Variants in PCDHGA6 observed in about 807,000 individuals in gnomAD.
The protein encoded by PCDHGA6 is protocadherin gamma subfamily A, 6.
In PCDHGA6, 41 loss-of-function variants were observed where a neutral mutation model predicts 60.6. That is an observed-to-expected ratio of 0.68 (90% CI 0.53 to 0.88). PCDHGA6 has a LOEUF of 0.88. Ranked by LOEUF, PCDHGA6 falls within the 40% of genes least tolerant of loss-of-function variation. The pLI is 0.00. For missense variants in PCDHGA6, 1,312 were observed against 1,203.0 expected, an observed-to-expected ratio of 1.09 and a Z score of -1.34; for synonymous variants, 594 against 524.4, an observed-to-expected ratio of 1.13 and a Z score of -1.81.
At position 141,505,378 on chromosome 5, in the gene PCDHGA6, C is replaced by T. The variant is rs376550639; in HGVS notation, c.2484-15C>T. 2 of 1,614,034 alleles carry T rather than the reference C, an allele frequency of 1.2e-6. No homozygotes were observed. The highest frequency in any genetic ancestry group is 2.2e-5 in the East Asian group (1 of 44,872). On this transcript the variant is annotated splice_polypyrimidine_tract_variant and intron_variant, in intron 2 of 3. Transcript: ENST00000517434. ...GGCCTGGGAGTCTGTGCTCACCATC[C>T]TACTCTCTCCCCAGCTCCCAAAATG...
At chr5:141,403,218 G>A in intron 1 of PCDHGA6, 1 of 1,613,968 alleles carries the variant, frequency 6.2e-7, no homozygotes. Flanking sequence ...ACCGCGGGTA[G>A]GATAGACCGG....
At chr5:141,433,020 C>G (rs761127608) in intron 1 of PCDHGA6, 5 of 1,614,152 alleles carry the variant, frequency 3.1e-6, no homozygotes, top group East Asian at 2.2e-5. Flanking sequence ...CAGACCTATT[C>G]CCACGAGGTT....
intron 1 of PCDHGA6, chr5:141,394,095 G>C (rs1222166545): frequency 1.9e-6 from 3 of 1,613,848 alleles, no homozygotes; most frequent in Non-Finnish European, 2.5e-6. Flanking sequence ...CTCAGATCTA[G>C]GAACACCACC....
At chr5:141,442,029 A>C in intron 1 of PCDHGA6, 1 of 210,292 alleles carries the variant, frequency 4.8e-6, no homozygotes, top group Non-Finnish European at 9.8e-6. Context: ...CAGGAAAGCG[A>C]CTCGCCAGCG....
intron 1 of PCDHGA6, among the ~76,000 whole-genome samples, chr5:141,494,361 G>A (rs1311268562): frequency 6.6e-6 from 1 of 152,184 alleles, no homozygotes; most frequent in African/African-American, 2.4e-5. Flanking sequence ...TGCTGCAGAG[G>A]ATGCTTTGTT....
At chr5:141,467,941 G>A (rs1173095290) in intron 1 of PCDHGA6, among the ~76,000 whole-genome samples, 4 of 151,984 alleles carry the variant, frequency 2.6e-5, no homozygotes, top group Admixed American at 2.6e-4. Context: ...TTACAAGCAT[G>A]AGCCACCACA....
In PCDHGA6 at chr5:141,390,150, C is replaced by A. The variant is rs768850867; in HGVS notation, c.2424+13643C>A. The A allele has an allele frequency of 3.7e-6, 6 of 1,613,916 alleles. No homozygotes were observed. The African/African-American group carries it at 8.0e-5, about 22-fold the overall frequency. On this transcript the variant is annotated intron_variant, in intron 1 of 3. Transcript: ENST00000517434. ...TTATTCCTACAATCTATGTGTTGCA[C>A]ATACAGGAAAGACGGAGTTTAATTT...
At chr5:141,451,624 G>A (rs1016417101) in intron 1 of PCDHGA6, among the ~76,000 whole-genome samples, 3 of 152,150 alleles carry the variant, frequency 2.0e-5, no homozygotes, top group African/African-American at 7.2e-5. Context: ...GCTCAAACCT[G>A]TAATTCCAGC....
chr5:141,416,011 GGTAA>G (rs1031382322), intron 1 of PCDHGA6: 25 of 239,912 alleles, frequency 1.0e-4, no homozygotes, highest in Non-Finnish European at 3.9e-5. Flanking sequence ...GGTAAGAATA[GGTAA>G]GTATCAGAAA....
At chr5:141,510,519 C>A (rs182721864) in intron 3 of PCDHGA6, among the ~76,000 whole-genome samples, 1 of 152,260 alleles carries the variant, frequency 6.6e-6, no homozygotes, top group East Asian at 1.9e-4. Context: ...CGTGTCACAG[C>A]CCTGAGAGAA....
At chr5:141,397,632 G>A (rs1338700585) in intron 1 of PCDHGA6, among the ~76,000 whole-genome samples, 2 of 152,222 alleles carry the variant, frequency 1.3e-5, no homozygotes, top group African/African-American at 4.8e-5. Context: ...CTAGCTAAGA[G>A]TTCAAGGTAT....
chr5:141,489,148 C>G lies in PCDHGA6; in HGVS notation c.2425-5659C>G. 1 of 895,318 alleles carries G rather than the reference C, an allele frequency of 1.1e-6. No individual in the cohort carries two copies. Among genetic ancestry groups the G allele is most frequent in the Non-Finnish European group, 1.7e-6 (1 of 589,254 alleles). The allele number at this position is 895,318 out of a possible 1,614,324, so 55.5% of individuals were successfully genotyped here. A position where few individuals can be genotyped will look rare whatever the true frequency, so the allele number is the denominator to read the frequency against. ...CAGTTTTTAAGAGGCTGGAAGGAGA[C>G]ATAAGAGACTTCAGCTGCTGCATTC... On this transcript the variant is annotated intron_variant, in intron 1 of 3. Transcript: ENST00000517434. This position sits in a 1 kb window ranked among gnomAD's most constrained non-coding sequence, Gnocchi z 4.5.
intron 1 of PCDHGA6, chr5:141,415,950 A>G (rs996935488): frequency 4.0e-6 from 2 of 498,646 alleles, no homozygotes; most frequent in Non-Finnish European, 6.1e-6. Flanking sequence ...GGGTGGTCAC[A>G]TATTGAAACT....
Position 141,486,319 on chromosome 5 carries a change from C to T in PCDHGA6, c.2425-8488C>T, listed in dbSNP as rs148184642. The T allele has an allele frequency of 1.7e-4, 268 of 1,614,058 alleles. No individual in the cohort carries two copies. The African/African-American group carries it at 1.7e-3, about 10-fold the overall frequency. Reference sequence around the variant, plus strand: ...TGCAGGATCCAGACTCAGGGTCAAACGGAGATGTGAGCCTCCGCATTCCTG... The same window carrying T: ...TGCAGGATCCAGACTCAGGGTCAAATGGAGATGTGAGCCTCCGCATTCCTG... On this transcript the variant is annotated intron_variant, in intron 1 of 3. Transcript: ENST00000517434. The surrounding 1 kb of genome is among the most constrained non-coding windows in gnomAD (Gnocchi z 5.0).
At position 141,489,244 on chromosome 5, in the gene PCDHGA6, G is replaced by C. The variant is rs145484133; in HGVS notation, c.2425-5563G>C. The C allele has an allele frequency of 3.3e-6, 5 of 1,534,936 alleles. No homozygotes were observed. Among genetic ancestry groups the C allele is most frequent in the African/African-American group, 1.4e-5 (1 of 72,374 alleles). On this transcript the variant is annotated intron_variant, in intron 1 of 3. Transcript: ENST00000517434. This position sits in a 1 kb window ranked among gnomAD's most constrained non-coding sequence, Gnocchi z 4.5. ...TCCACAAAGGGACTTCTGGGTCATGGGGCCCAAGACACTCCCACAGCTCGC... is the reference window on the plus strand; with the variant it reads ...TCCACAAAGGGACTTCTGGGTCATGCGGCCCAAGACACTCCCACAGCTCGC...
chr5:141,407,317 T>G (rs1268885358), intron 1 of PCDHGA6, among the ~76,000 whole-genome samples: 1 of 152,198 alleles, frequency 6.6e-6, no homozygotes, highest in Non-Finnish European at 1.5e-5. Flanking sequence ...TCATACTTAG[T>G]ATTTATAAAT....
chr5:141,509,882 G>A (rs1374735632), intron 3 of PCDHGA6, among the ~76,000 whole-genome samples: 1 of 152,182 alleles, frequency 6.6e-6, no homozygotes. Context: ...GGTGGTGATG[G>A]TGACTGACTG....
intron 1 of PCDHGA6, chr5:141,424,079 C>A: frequency 3.1e-6 from 3 of 973,190 alleles, no homozygotes; most frequent in African/African-American, 1.8e-5. Context: ...TAGTTATATT[C>A]CACCATTATT....
chr5:141,490,033 A>C lies in PCDHGA6; in HGVS notation c.2425-4774A>C, dbSNP rs200482631. The C allele has an allele frequency of 4.0e-5, 65 of 1,614,116 alleles. No homozygotes were observed. Among genetic ancestry groups the C allele is most frequent in the Non-Finnish European group, 4.1e-5 (48 of 1,180,040 alleles). On this transcript the variant is annotated intron_variant, in intron 1 of 3. Transcript: ENST00000517434. This position sits in a 1 kb window ranked among gnomAD's most constrained non-coding sequence, Gnocchi z 5.4. ...CATTGGTACTCTGCTGCTCCGCCTC[A>C]ATGCCACTGATCCAGACGAGGGCAC...
Sources: gnomAD v4.1 joint callset for allele counts (sites outside exome capture counted in the v4.1 genomes callset) on GRCh38, gnomAD v4.1.1 for gene constraint, Gnocchi (gnomAD v3.1) non-coding constraint, MANE v1.5 for transcripts, NCBI Gene and HGNC (gene_info 2026-07-23, HGNC 2026-07-21) for gene names.